TSG101: variants seen among roughly 807,000 people sequenced by gnomAD.
TSG101 encodes tumor susceptibility gene 101 protein.
Under a neutral mutation model 48.5 loss-of-function variants are expected in TSG101, and 19 were observed. The ratio of observed to expected loss-of-function variants is 0.39; its 90% CI spans 0.27 to 0.58. The LOEUF (loss-of-function observed/expected upper bound fraction) is 0.58. TSG101 is among the 20% of genes least tolerant of loss of function. TSG101 has a pLI of 0.55. For synonymous variants in TSG101, 174 were observed against 169.4 expected, an observed-to-expected ratio of 1.03 and a Z score of -0.21; for missense variants, 365 against 484.4, an observed-to-expected ratio of 0.75 and a Z score of 2.31.
intron 2 of TSG101, among the ~76,000 whole-genome samples, chr11:18,518,046 T>C (rs1325456068): frequency 6.6e-6 from 1 of 152,242 alleles, no homozygotes. Flanking sequence ...TATTCTTTTA[T>C]ATGCAGTAAA....
rs2133902070 is a variant in TSG101, at chr11:18,483,874, T to A, written c.839A>T (p.Glu280Val). The A allele has an allele frequency of 2.5e-6, 4 of 1,614,080 alleles. No individual in the cohort carries two copies. Among genetic ancestry groups the A allele is most frequent in the Non-Finnish European group, 3.4e-6 (4 of 1,180,032 alleles). ...AGTCTTTAATGAGTCACTTACTACT[T>A]CTTGATCTAAACGGGTAACCATCTC... ...LEEMVTRLDQ[E>V]VAEVDKNIEL... The change falls in exon 8 of 10, where the codon GAA (glutamate) becomes GTA (valine). Residue 280 changes from glutamate to valine, a missense_variant. Transcript: ENST00000251968.
At chr11:18,503,127 T>A (rs894794030) in intron 6 of TSG101, among the ~76,000 whole-genome samples, 4 of 152,252 alleles carry the variant, frequency 2.6e-5, no homozygotes, top group African/African-American at 9.6e-5. Flanking sequence ...AGAGGAACTT[T>A]CCTTAGAGGT....
intron 4 of TSG101, 46 bp downstream of exon 4, chr11:18,514,632 A>G (rs755676325): frequency 1.4e-6 from 2 of 1,464,280 alleles, no homozygotes; most frequent in African/African-American, 2.9e-5. Flanking sequence ...CTAGTGAGCA[A>G]AATATATAAA....
chr11:18,499,265 T>A (rs1209412431), intron 7 of TSG101, among the ~76,000 whole-genome samples: 35 of 120,136 alleles, frequency 2.9e-4, no homozygotes, highest in African/African-American at 6.8e-4. Flanking sequence ...TATATATATT[T>A]TATATATATT....
chr11:18,503,210 A>T (rs559921000), intron 6 of TSG101, among the ~76,000 whole-genome samples: 11 of 152,150 alleles, frequency 7.2e-5, no homozygotes, highest in Non-Finnish European at 1.5e-4. Flanking sequence ...ACAAATGGTC[A>T]TCTTTCTCTA....
intron 7 of TSG101, among the ~76,000 whole-genome samples, chr11:18,491,784 CA>C (rs1294304007): frequency 3.3e-5 from 5 of 152,180 alleles, no homozygotes; most frequent in African/African-American, 1.2e-4. Flanking sequence ...CTTACCTAAT[CA>C]AGAACTTGCT....
At chr11:18,510,548 A>G (rs1463376490) in intron 4 of TSG101, among the ~76,000 whole-genome samples, 1 of 151,478 alleles carries the variant, frequency 6.6e-6, no homozygotes, top group African/African-American at 2.4e-5. Context: ...TTTTTTCATA[A>G]GTTACTAAGA....
intron 6 of TSG101, among the ~76,000 whole-genome samples, chr11:18,503,766 T>C (rs1282783974): frequency 6.6e-6 from 1 of 152,194 alleles, no homozygotes; most frequent in African/African-American, 2.4e-5. Context: ...GTGTTTCCCT[T>C]ACAACGAAGA....
Position 18,514,803 on chromosome 11 carries a change from C to T in TSG101, c.232G>A (p.Asp78Asn). The T allele has an allele frequency of 6.3e-7, 1 of 1,587,178 alleles. No individual in the cohort carries two copies. The highest frequency in any genetic ancestry group is 1.4e-5 in the African/African-American group (1 of 73,010). Residue 78 changes from aspartate to asparagine, a missense_variant, in exon 4 of 10, where the codon GAC becomes AAC. Asp to Asn is a conservative substitution (Grantham distance 23, BLOSUM62 1). Transcript: ENST00000251968. ...ATAGGGGGATTATATGGGTATGTGT[C>T]CAGTAGCCATAGGCATATTGGAATA... Reference protein sequence around the residue: ...YNIPICLWLLDTYPYNPPICF... With the variant: ...YNIPICLWLLNTYPYNPPICF...
intron 8 of TSG101, among the ~76,000 whole-genome samples, chr11:18,483,025 T>C (rs1256902593): frequency 2.1e-5 from 3 of 141,450 alleles, no homozygotes; most frequent in African/African-American, 4.9e-5. Context: ...GGGACCTGTG[T>C]GCGTGTGTGT....
chr11:18,482,766 T>A (rs1413485253), intron 8 of TSG101, among the ~76,000 whole-genome samples: 1 of 152,204 alleles, frequency 6.6e-6, no homozygotes, highest in Non-Finnish European at 1.5e-5. Flanking sequence ...TTTTAAAAAA[T>A]GGCTCACACA....
chr11:18,482,754 A>G (rs1849560455), intron 8 of TSG101, among the ~76,000 whole-genome samples: 1 of 152,226 alleles, frequency 6.6e-6, no homozygotes, highest in South Asian at 2.1e-4. Context: ...CCCTGAACAT[A>G]CTTTTAAAAA....
At position 18,506,631 on chromosome 11, in the gene TSG101, A is replaced by C. The variant is rs1267066330; in HGVS notation, c.548+226T>G. ...CTTGAACTGGGGAAGTAGAGGTTGC[A>C]GTGAGCCGAGATTGCGCCACTGTAC... On this transcript the variant is annotated intron_variant, in intron 6 of 9. Transcript: ENST00000251968. Among the ~76,000 whole-genome samples, 10 of 152,028 alleles carry C rather than the reference A, an allele frequency of 6.6e-5. No individual in the cohort carries two copies. The East Asian group carries it at 1.7e-3, about 26-fold the overall frequency.
chr11:18,484,038 G>T lies in TSG101; in HGVS notation c.675C>A (p.Thr225=). Reference sequence around the variant, plus strand: ...CCGCAGAGATGAGAGAGGCTCGGATGGTGTCCTCGCTGATTGTGCCATCCC... The same window carrying T: ...CCGCAGAGATGAGAGAGGCTCGGATTGTGTCCTCGCTGATTGTGCCATCCC... ...PSRDGTISED[T]IRASLISAVS... is the part of the protein sequence containing the mutation. The change falls in exon 8 of 10, where the codon ACC becomes ACA. Residue 225 remains threonine, a synonymous_variant. Transcript: ENST00000251968. 1 of 1,614,118 alleles carries T rather than the reference G, an allele frequency of 6.2e-7. No homozygotes were observed.
chr11:18,525,582 C>G, intron 1 of TSG101: 1 of 330,762 alleles, frequency 3.0e-6, no homozygotes, highest in Non-Finnish European at 4.3e-6. Flanking sequence ...AACAGATACT[C>G]TTCAGTTACA....
intron 6 of TSG101, among the ~76,000 whole-genome samples, chr11:18,504,502 G>C (rs1849938015): frequency 6.6e-6 from 1 of 151,998 alleles, no homozygotes; most frequent in Admixed American, 6.5e-5. Flanking sequence ...TTTGTTTCTA[G>C]TCTCTTCAGT....
At chr11:18,515,026 C>T (rs923812077) in intron 3 of TSG101, among the ~76,000 whole-genome samples, 185 bp from the exon 4 acceptor site, 4 of 152,048 alleles carry the variant, frequency 2.6e-5, no homozygotes, top group African/African-American at 4.8e-5. Context: ...TTAAATTTTA[C>T]TCAGTCTTCC....
At chr11:18,503,654 G>A (rs935028552) in intron 6 of TSG101, among the ~76,000 whole-genome samples, 1 of 152,122 alleles carries the variant, frequency 6.6e-6, no homozygotes, top group South Asian at 2.1e-4. Flanking sequence ...TTACAGCTGT[G>A]AGCCACCGCA....
intron 1 of TSG101, among the ~76,000 whole-genome samples, chr11:18,522,762 C>T (rs1850300307): frequency 6.6e-6 from 1 of 152,236 alleles, no homozygotes; most frequent in African/African-American, 2.4e-5. Flanking sequence ...CCACTTTCCT[C>T]CCTTGCTCAC....
Sources: gnomAD v4.1 joint callset for allele counts (sites outside exome capture counted in the v4.1 genomes callset) on GRCh38, gnomAD v4.1.1 for gene constraint, MANE v1.5 for transcripts, NCBI Gene and HGNC (gene_info 2026-07-23, HGNC 2026-07-21) for gene names.